ZNF343: variants seen among roughly 807,000 people sequenced by gnomAD.
The protein encoded by ZNF343 is zinc finger protein 343.
A neutral mutation model predicts 13.8 loss-of-function variants in ZNF343; 11 were observed. That is an observed-to-expected ratio of 0.80 (90% CI 0.50 to 1.32). The LOEUF (loss-of-function observed/expected upper bound fraction) is 1.32, where lower values mean the gene tolerates loss of function less well. Among genes scored for constraint, ZNF343 ranks in the 40% most tolerant of loss-of-function variants. The probability of loss-of-function intolerance (pLI) is 0.00; values close to 1 mark genes in which losing one functional copy is unlikely to be tolerated. For missense variants in ZNF343, 658 were observed against 714.2 expected (o/e 0.92, Z 0.90); for synonymous variants, 248 against 260.0 (o/e 0.95, Z 0.44).
intron 2 of ZNF343, among the ~76,000 whole-genome samples, chr20:2,500,452 T>C (rs2085541526): frequency 6.6e-6 from 1 of 152,178 alleles, no homozygotes. Flanking sequence ...GGTGATAACC[T>C]GAATGAGAGT....
upstream of ZNF343, among the ~76,000 whole-genome samples, chr20:2,511,117 C>CT (rs111424405): frequency 0.018 from 2,548 of 142,818 alleles, 73 homozygotes; most frequent in African/African-American, 0.054. Context: ...CTTTTCCTTT[C>CT]TTTTTTTTTT....
chr20:2,519,591 C>T (rs1179041959), intron 1 of ZNF343, among the ~76,000 whole-genome samples: 3 of 152,126 alleles, frequency 2.0e-5, no homozygotes, highest in African/African-American at 4.8e-5. Context: ...TGTGTGTGTG[C>T]ATGTGTGTGT....
chr20:2,505,058 T>A (rs2085632166), intron 1 of ZNF343, among the ~76,000 whole-genome samples: 1 of 152,190 alleles, frequency 6.6e-6, no homozygotes, highest in Non-Finnish European at 1.5e-5. Context: ...AAAAGCCCAT[T>A]GTCTCAGCCC....
intron 2 of ZNF343, among the ~76,000 whole-genome samples, chr20:2,497,089 A>AT (rs1341922062): frequency 6.2e-5 from 8 of 129,862 alleles, no homozygotes; most frequent in Non-Finnish European, 1.1e-4. Context: ...TAAAAAAAAA[A>AT]ATTTTACCAT....
At chr20:2,506,599 G>A (rs186263974) in intron 1 of ZNF343, among the ~76,000 whole-genome samples, 1,836 of 152,270 alleles carry the variant, frequency 0.012, 42 homozygotes, top group African/African-American at 0.042. Flanking sequence ...TGTACACCAC[G>A]GAATACTATG....
upstream of ZNF343, among the ~76,000 whole-genome samples, chr20:2,512,608 C>T (rs1404124912): frequency 6.6e-6 from 1 of 152,036 alleles, no homozygotes; most frequent in Non-Finnish European, 1.5e-5. Context: ...ACTGGATAAC[C>T]ACAAGTAAAA....
At chr20:2,502,034 G>A (rs1428354810) in intron 1 of ZNF343, among the ~76,000 whole-genome samples, 3 of 152,112 alleles carry the variant, frequency 2.0e-5, no homozygotes, top group East Asian at 1.9e-4. Flanking sequence ...GAGGAAGTTC[G>A]AACCCATGGC....
intron 1 of ZNF343, among the ~76,000 whole-genome samples, chr20:2,517,344 C>T (rs1434251765): frequency 6.6e-6 from 1 of 150,940 alleles, no homozygotes; most frequent in African/African-American, 2.5e-5. Context: ...CATATATACA[C>T]ATTCAGCCAA....
At chr20:2,493,601 G>A (rs776180758) in intron 3 of ZNF343, 24 bp from the exon 4 acceptor site, 1 of 1,595,350 alleles carries the variant, frequency 6.3e-7, no homozygotes, top group Non-Finnish European at 8.6e-7. Context: ...AAGAAGCTAT[G>A]AGAAACCAGA....
chr20:2,520,961 A>T (rs1464258810), intron 1 of ZNF343, among the ~76,000 whole-genome samples: 2 of 152,170 alleles, frequency 1.3e-5, no homozygotes, highest in East Asian at 3.8e-4. Flanking sequence ...AGATGCAGGG[A>T]GGAAGCTTCT....
rs2085771680 is a variant in ZNF343, at chr20:2,518,993, C to T, written c.-347+5462G>A. Among the ~76,000 whole-genome samples the T allele has an allele frequency of 6.6e-6, 1 of 152,174 alleles. No individual in the cohort carries two copies. On this transcript the variant is annotated intron_variant, in intron 1 of 6. Coordinates refer to the ZNF343 transcript ENST00000358413. This position sits in a 1 kb window ranked among gnomAD's most constrained non-coding sequence, Gnocchi z 4.6. ...TTTCCTGCCATCGTGTAAGACATGC[C>T]TTGCTTCCCCTTCACCTTCCACCAT... is the stretch of plus-strand genomic sequence containing the variant.
chr20:2,513,569 T>G (rs2085747076), upstream of ZNF343, among the ~76,000 whole-genome samples: 1 of 152,240 alleles, frequency 6.6e-6, no homozygotes, highest in Non-Finnish European at 1.5e-5. Flanking sequence ...GAAATCCGTT[T>G]GGTGGTTCCT....
intron 1 of ZNF343, among the ~76,000 whole-genome samples, chr20:2,504,819 T>C (rs1176238212): frequency 6.6e-6 from 1 of 152,184 alleles, no homozygotes; most frequent in African/African-American, 2.4e-5. Context: ...ATAAGAGCTA[T>C]CAATGACAAA....
chr20:2,491,573 G>C (rs1420309391), intron 5 of ZNF343, among the ~76,000 whole-genome samples: 1 of 151,956 alleles, frequency 6.6e-6, no homozygotes, highest in African/African-American at 2.4e-5. Context: ...TAAATGGCTA[G>C]AAAAAAGTAA....
chr20:2,513,834 C>T (rs1161842138), upstream of ZNF343, among the ~76,000 whole-genome samples: 2 of 152,096 alleles, frequency 1.3e-5, no homozygotes, highest in African/African-American at 4.8e-5. Flanking sequence ...CATGGATGAA[C>T]CTTGAAAACA....
In ZNF343 at chr20:2,484,478, T is replaced by C; in HGVS notation, c.483A>G (p.Val161=). 5.6e-6 allele frequency: 9 copies of C among 1,614,214 alleles called. No homozygotes were observed. Among genetic ancestry groups the C allele is most frequent in the African/African-American group, 1.3e-5 (1 of 75,056 alleles). The change falls in exon 6 of 6, where the codon GTA becomes GTG. Residue 161 remains valine (V), a synonymous_variant. Coordinates refer to ENST00000278772, the MANE Select transcript of ZNF343 (RefSeq NM_024325.6). ...WKQQGQQYSH[V]SCWFENAEGQ... The stretch of plus-strand genomic sequence containing the variant: ...CTTCTGCATTTTCAAACCAACAGCT[T>C]ACATGGGAATACTGCTGCCCCTGCT...
intron 2 of ZNF343, among the ~76,000 whole-genome samples, chr20:2,494,764 T>C (rs2085430251): frequency 1.7e-5 from 2 of 120,158 alleles, no homozygotes; most frequent in African/African-American, 5.9e-5. Context: ...AGTAAGACCC[T>C]GTCTCAAGAA....
chr20:2,523,380 T>C (rs1343241865), intron 1 of ZNF343, among the ~76,000 whole-genome samples: 1 of 151,970 alleles, frequency 6.6e-6, no homozygotes, highest in Non-Finnish European at 1.5e-5. Flanking sequence ...GCCTATGGAG[T>C]GGCCACTCTT....
intron 2 of ZNF343, among the ~76,000 whole-genome samples, chr20:2,496,242 A>G (rs2085457058): frequency 6.6e-6 from 1 of 152,200 alleles, no homozygotes; most frequent in Admixed American, 6.5e-5. Flanking sequence ...TGAGATTTGA[A>G]CAATGTGAGG....
Sources: allele counts gnomAD v4.1 joint callset (sites outside exome capture counted in the v4.1 genomes callset), GRCh38; gene constraint gnomAD v4.1.1; non-coding constraint Gnocchi (gnomAD v3.1); transcripts MANE v1.5; gene names NCBI Gene and HGNC (gene_info 2026-07-23, HGNC 2026-07-21).